The following CACNA1E variants were observed in gnomAD, a reference collection of about 807,000 sequenced individuals.
CACNA1E encodes voltage-dependent R-type calcium channel subunit alpha-1E.
A neutral mutation model predicts 259.2 loss-of-function variants in CACNA1E; 40 were observed. That is an observed-to-expected ratio of 0.15 (90% CI 0.12 to 0.20). The LOEUF is 0.20. Ranked by LOEUF, CACNA1E falls within the 10% of genes least tolerant of loss-of-function variation. CACNA1E has a pLI of 1.00. For synonymous variants in CACNA1E, 1,104 were observed against 1,138.5 expected, an observed-to-expected ratio of 0.97 and a Z score of 0.61; for missense variants, 1,874 against 3,040.1, an observed-to-expected ratio of 0.62 and a Z score of 9.02.
Position 181,756,922 on chromosome 1 carries a change from T to C in CACNA1E, c.4128-3T>C. On this transcript the variant is annotated splice_polypyrimidine_tract_variant and splice_region_variant and intron_variant, in intron 29 of 47. Coordinates refer to ENST00000367573, the MANE Select transcript of CACNA1E (RefSeq NM_001205293.3). ...TCTGTGCCCTCTTGTTCTGTCCCCATAGAGTTCTGCAGCACTCTGTAGATG... is the reference window on the plus strand; with the variant it reads ...TCTGTGCCCTCTTGTTCTGTCCCCACAGAGTTCTGCAGCACTCTGTAGATG... The C allele has an allele frequency of 1.9e-6, 3 of 1,603,560 alleles. No individual in the cohort carries two copies. Among genetic ancestry groups the C allele is most frequent in the African/African-American group, 1.3e-5 (1 of 74,844 alleles).
In CACNA1E at chr1:181,436,478, G is replaced by T. The variant is rs7514171; in HGVS notation, c.434+22898G>T. ...AAGCAAGCTAAGTGTCTATCAATGG[G>T]TTAATGGATTAAGAAAATATGGTGT... is the stretch of plus-strand genomic sequence containing the variant. On this transcript the variant is annotated intron_variant, in intron 2 of 11. Coordinates refer to the CACNA1E transcript ENST00000524607. 4.0e-3 allele frequency among the ~76,000 whole-genome samples: 612 copies of T among 152,306 alleles called. 3 individuals carry two copies. The highest frequency in any genetic ancestry group is 0.014 in the African/African-American group (584 of 41,562).
At chr1:181,381,730 A>G (rs1215439003) in intron 1 of CACNA1E, among the ~76,000 whole-genome samples, 3 of 152,244 alleles carry the variant, frequency 2.0e-5, no homozygotes, top group South Asian at 2.1e-4. Context: ...TATTAATTCT[A>G]TACAAGGAAT....
chr1:181,645,067 G>A lies in CACNA1E; in HGVS notation c.952-6271G>A, dbSNP rs141174150. ...CACAGAGCCTGCCACGTCCTTACTG[G>A]TGACAGCCGCGCAGGGAGGAAGGCA... On this transcript the variant is annotated intron_variant, in intron 6 of 47. Transcript: ENST00000367573. 6.1e-3 allele frequency among the ~76,000 whole-genome samples: 933 copies of A among 152,312 alleles called. 12 individuals are homozygous for A. Among genetic ancestry groups the A allele is most frequent in the African/African-American group, 0.022 (900 of 41,576 alleles).
chr1:181,649,532 G>A (rs754552598), intron 6 of CACNA1E, among the ~76,000 whole-genome samples: 2 of 152,148 alleles, frequency 1.3e-5, no homozygotes, highest in South Asian at 2.1e-4. Flanking sequence ...TAAATCATTC[G>A]GTTATAAAAA....
intron 3 of CACNA1E, among the ~76,000 whole-genome samples, chr1:181,575,030 A>G (rs1206129683): frequency 1.3e-5 from 2 of 151,984 alleles, no homozygotes; most frequent in Non-Finnish European, 2.9e-5. Flanking sequence ...GTCTCAAAAA[A>G]AAAAAAAGAA....
intron 7 of CACNA1E, among the ~76,000 whole-genome samples, chr1:181,705,966 C>G (rs1476087246): frequency 6.6e-6 from 1 of 151,464 alleles, no homozygotes; most frequent in Non-Finnish European, 1.5e-5. Context: ...GTTTTTGTTC[C>G]CCTTGTTTGG....
intron 6 of CACNA1E, among the ~76,000 whole-genome samples, chr1:181,627,746 T>G (rs998210817): frequency 6.6e-6 from 1 of 152,232 alleles, no homozygotes; most frequent in African/African-American, 2.4e-5. Context: ...ACTAACATGC[T>G]TATTCAGTGG....
At chr1:181,763,279 G>A in intron 33 of CACNA1E, 127 bp from the exon 34 acceptor site, 1 of 753,984 alleles carries the variant, frequency 1.3e-6, no homozygotes, top group Non-Finnish European at 2.1e-6. Context: ...AGCTGGAATT[G>A]GGGTTAACAA....
chr1:181,618,779 T>G (rs1655457639), intron 6 of CACNA1E, among the ~76,000 whole-genome samples: 2 of 152,184 alleles, frequency 1.3e-5, no homozygotes, highest in South Asian at 4.1e-4. Context: ...CCTAATTCAG[T>G]GAGTAGTACA....
chr1:181,784,742 T>A lies in CACNA1E; in HGVS notation c.5552T>A (p.Leu1851Gln). The stretch of plus-strand genomic sequence containing the variant: ...TGGCCTCACCTATCCCAGAAGATGC[T>A]GGATCTGCTTGTGCCCATGCCCAAA... The part of the protein sequence containing the change: ...AIWPHLSQKM[L>Q]DLLVPMPKAS... Residue 1851 changes from leucine to glutamine, a missense_variant, in exon 41 of 48, where the codon CTG becomes CAG. By Grantham distance (113) the Leu-to-Gln change is moderately radical (BLOSUM62 -2). Transcript: ENST00000367573. The A allele has an allele frequency of 6.3e-7, 1 of 1,577,686 alleles. No individual in the cohort carries two copies. The highest frequency in any genetic ancestry group is 8.6e-7 in the Non-Finnish European group (1 of 1,161,028).
chr1:181,355,575 G>A (rs1409338720), intron 1 of CACNA1E, among the ~76,000 whole-genome samples: 1 of 149,446 alleles, frequency 6.7e-6, no homozygotes, highest in Non-Finnish European at 1.5e-5. Context: ...GTGACAGAGT[G>A]AGACTCCATC....
intron 6 of CACNA1E, among the ~76,000 whole-genome samples, chr1:181,585,565 G>A (rs1651979238): frequency 6.6e-6 from 1 of 152,148 alleles, no homozygotes; most frequent in African/African-American, 2.4e-5. Context: ...GATAGATGCT[G>A]TGGAGAAAAA....
intron 1 of CACNA1E, 62 bp downstream of exon 1, chr1:181,484,072 G>T (rs1296208250): frequency 3.3e-6 from 5 of 1,505,416 alleles, no homozygotes; most frequent in East Asian, 2.3e-5. Context: ...GTGAAGGGGG[G>T]TACCTAGCAT....
chr1:181,731,258 G>C (rs1655448236), intron 19 of CACNA1E, 27 bp downstream of exon 19: 1 of 1,597,344 alleles, frequency 6.3e-7, no homozygotes, highest in African/African-American at 1.3e-5. Context: ...TTGCGTGTTT[G>C]TGAGTGGTTA....
At chr1:181,345,409 G>C (rs186808690) in intron 1 of CACNA1E, among the ~76,000 whole-genome samples, 4 of 152,332 alleles carry the variant, frequency 2.6e-5, no homozygotes, top group Admixed American at 2.0e-4. Context: ...TCTTCTTATG[G>C]TTCAATGTGG....
chr1:181,522,508 A>G (rs984827871), intron 3 of CACNA1E, among the ~76,000 whole-genome samples: 1 of 152,218 alleles, frequency 6.6e-6, no homozygotes, highest in Non-Finnish European at 1.5e-5. Flanking sequence ...GATCAAGCCA[A>G]CCCACATGCT....
chr1:181,513,898 T>C lies in CACNA1E; in HGVS notation c.512+2388T>C, dbSNP rs562939298. 3.3e-5 allele frequency among the ~76,000 whole-genome samples: 5 copies of C among 152,340 alleles called. No individual in the cohort carries two copies. In the South Asian group the frequency reaches 1.0e-3, roughly 32 times the overall value. ...CTTCCCTTCTTAGTGGCTCTTCAGA[T>C]GTCCCTGGCTTTGTGAATTGCCTTC... On this transcript the variant is annotated intron_variant, in intron 3 of 47. Coordinates refer to ENST00000367573, the MANE Select transcript of CACNA1E (RefSeq NM_001205293.3).
chr1:181,656,165 CT>C (rs1659190828), intron 7 of CACNA1E, among the ~76,000 whole-genome samples: 1 of 152,118 alleles, frequency 6.6e-6, no homozygotes, highest in Non-Finnish European at 1.5e-5. Flanking sequence ...CAATTTATTC[CT>C]ACTTATTTTT....
intron 37 of CACNA1E, among the ~76,000 whole-genome samples, chr1:181,774,217 A>G (rs1206459949): frequency 1.3e-5 from 2 of 152,272 alleles, no homozygotes. Context: ...AGGCAGTAAC[A>G]GTGCTAACAG....
Sources: gnomAD v4.1 joint callset for allele counts (sites outside exome capture counted in the v4.1 genomes callset) on GRCh38, gnomAD v4.1.1 for gene constraint, MANE v1.5 for transcripts, NCBI Gene and HGNC (gene_info 2026-07-23, HGNC 2026-07-21) for gene names.